The following CES5A variants were observed in gnomAD, a reference collection of about 807,000 sequenced individuals.
The protein encoded by CES5A is carboxylesterase 5.
In CES5A, 67 loss-of-function variants were observed where a neutral mutation model predicts 62.9. The observed-to-expected ratio is 1.07, with a 90% confidence interval of 0.88 to 1.31. The LOEUF (loss-of-function observed/expected upper bound fraction) is 1.31. Ranked by LOEUF, CES5A falls within the 50% of genes most tolerant of loss-of-function variation. CES5A has a pLI of 0.00. For missense variants in CES5A, 748 were observed against 708.5 expected (o/e 1.06, Z -0.63); for synonymous variants, 296 against 280.8 (o/e 1.05, Z -0.54).
chr16:55,926,706 C>T (rs987159603), upstream of CES5A, among the ~76,000 whole-genome samples: 3 of 152,184 alleles, frequency 2.0e-5, no homozygotes, highest in Admixed American at 6.5e-5. Flanking sequence ...TGAAGCTTTT[C>T]TGAGCATTTT....
chr16:55,851,930 C>T (rs1421427078), intron 10 of CES5A, among the ~76,000 whole-genome samples: 1 of 152,092 alleles, frequency 6.6e-6, no homozygotes, highest in Admixed American at 6.6e-5. Flanking sequence ...TGAAATAAGC[C>T]AGACAAAAGG....
intron 3 of CES5A, among the ~76,000 whole-genome samples, chr16:55,870,356 A>G (rs2033558108): frequency 6.6e-6 from 1 of 151,858 alleles, no homozygotes; most frequent in African/African-American, 2.4e-5. Flanking sequence ...GAGAAGGAGG[A>G]AGGAGGAAGA....
At chr16:55,943,670 T>C (rs1448837943) in intron 2 of CES5A, among the ~76,000 whole-genome samples, 3 of 152,226 alleles carry the variant, frequency 2.0e-5, no homozygotes, top group South Asian at 4.1e-4. Context: ...GTGGTATAAT[T>C]TGGGAGACAT....
intron 1 of CES5A, among the ~76,000 whole-genome samples, chr16:55,953,435 C>A (rs780391670): frequency 1.3e-5 from 2 of 151,922 alleles, no homozygotes; most frequent in Non-Finnish European, 2.9e-5. Context: ...CCACAAGAAC[C>A]AAATGTGAGT....
chr16:55,938,923 G>A (rs2034417398), intron 2 of CES5A, among the ~76,000 whole-genome samples: 1 of 150,296 alleles, frequency 6.7e-6, no homozygotes, highest in Non-Finnish European at 1.5e-5. Context: ...AGAGGAAGTG[G>A]GGTGGGGGGT....
intron 11 of CES5A, 80 bp downstream of exon 11, chr16:55,849,544 C>G: frequency 2.7e-6 from 4 of 1,504,160 alleles, no homozygotes; most frequent in East Asian, 2.3e-5. Flanking sequence ...ATGCCAACCC[C>G]GAAGTCCTCC....
chr16:55,907,476 C>T (rs536806126), intron 1 of CES5A, among the ~76,000 whole-genome samples: 2 of 152,324 alleles, frequency 1.3e-5, no homozygotes, highest in African/African-American at 2.4e-5. Context: ...TGGGTTTATT[C>T]GGTGCCTCCA....
chr16:55,894,635 GC>G (rs2033914154), intron 1 of CES5A, among the ~76,000 whole-genome samples: 1 of 151,994 alleles, frequency 6.6e-6, no homozygotes, highest in Admixed American at 6.5e-5. Flanking sequence ...AAATATACTA[GC>G]AAAAATGTCA....
chr16:55,931,598 T>C (rs1445492590), intron 2 of CES5A, among the ~76,000 whole-genome samples: 2 of 152,182 alleles, frequency 1.3e-5, no homozygotes, highest in African/African-American at 4.8e-5. Flanking sequence ...TCTGATCCTT[T>C]ATGCATGCCA....
intron 4 of CES5A, among the ~76,000 whole-genome samples, chr16:55,867,086 G>A (rs573567603): frequency 6.6e-5 from 10 of 152,164 alleles, no homozygotes; most frequent in African/African-American, 2.2e-4. Context: ...CATGAGGGTG[G>A]GCTAGAGAGA....
chr16:55,901,013 C>T lies in CES5A; in HGVS notation c.-256+24310G>A, dbSNP rs148251375. Among the ~76,000 whole-genome samples, 193 of 152,286 alleles carry T rather than the reference C, an allele frequency of 1.3e-3. 1 individual carries two copies. The highest frequency in any genetic ancestry group is 6.8e-3 in the Middle Eastern group (2 of 294). On this transcript the variant is annotated intron_variant, in intron 1 of 12. Transcript: ENST00000518005. ...TCTCTCATACCTAGGCCAGGGGCCTCATATGGTTTGGCTGTGTCCCCACCC... is the reference window on the plus strand; with the variant it reads ...TCTCTCATACCTAGGCCAGGGGCCTTATATGGTTTGGCTGTGTCCCCACCC...
chr16:55,910,972 G>T (rs987076409), intron 1 of CES5A, among the ~76,000 whole-genome samples: 1 of 152,142 alleles, frequency 6.6e-6, no homozygotes, highest in South Asian at 2.1e-4. Flanking sequence ...TGTCTCACAC[G>T]ATTTCCCAGA....
upstream of CES5A, among the ~76,000 whole-genome samples, chr16:55,926,383 A>T (rs1418994085): frequency 1.3e-5 from 2 of 152,232 alleles, no homozygotes; most frequent in African/African-American, 2.4e-5. Flanking sequence ...TATAAATTTT[A>T]TCAGCAGAAG....
At chr16:55,934,984 T>C (rs2034356950) in intron 2 of CES5A, among the ~76,000 whole-genome samples, 1 of 152,178 alleles carries the variant, frequency 6.6e-6, no homozygotes, top group African/African-American at 2.4e-5. Context: ...ACTCTGTCAC[T>C]CAGGCTAGAG....
At chr16:55,931,226 T>A (rs1219953587) in intron 2 of CES5A, among the ~76,000 whole-genome samples, 2 of 152,244 alleles carry the variant, frequency 1.3e-5, no homozygotes, top group East Asian at 3.8e-4. Flanking sequence ...ATATCCTTCC[T>A]TCTCATTCCC....
upstream of CES5A, among the ~76,000 whole-genome samples, chr16:55,878,794 C>T (rs546459232): frequency 5.8e-4 from 86 of 147,938 alleles, no homozygotes; most frequent in African/African-American, 2.0e-3. Flanking sequence ...ATTAACCCAT[C>T]GCTGTACCCT....
Position 55,849,610 on chromosome 16 carries a change from G to A in CES5A, c.1423+14C>T, listed in dbSNP as rs1225869020. On this transcript the variant is annotated intron_variant, in intron 11 of 12. Transcript: ENST00000290567. ...GGGCTTCATGTGAACTGTGGGAAGT[G>A]GCCAGTCCCTTACCGAACATAACAA... is the stretch of plus-strand genomic sequence containing the variant. 2 of 1,613,662 alleles carry A rather than the reference G, an allele frequency of 1.2e-6. No individual in the cohort carries two copies.
rs561268726 is a variant in CES5A, at chr16:55,944,401, G to T, written c.160+5384C>A. 2 of 350,326 alleles carry T rather than the reference G, an allele frequency of 5.7e-6. 1 individual carries two copies. Among genetic ancestry groups the T allele is most frequent in the South Asian group, 9.5e-5 (2 of 21,038 alleles). 21.7% of individuals were successfully genotyped at this position (350,326 alleles called of 1,614,324 possible). A position where few individuals can be genotyped will look rare whatever the true frequency, so the allele number is the denominator to read the frequency against. On this transcript the variant is annotated intron_variant, in intron 2 of 13. Transcript: ENST00000521992. Reference sequence around the variant, plus strand: ...ATTTTTGGGGAGAGGGAAGCCAGGGGCATCTTCTAGTCCCTGCAGTGCGGT... The same window carrying T: ...ATTTTTGGGGAGAGGGAAGCCAGGGTCATCTTCTAGTCCCTGCAGTGCGGT...
chr16:55,924,252 T>C (rs2034237274), intron 1 of CES5A, among the ~76,000 whole-genome samples: 1 of 151,730 alleles, frequency 6.6e-6, no homozygotes, highest in Admixed American at 6.6e-5. Context: ...CATACAAAAA[T>C]CAGTAGCAAT....
Sources: allele counts gnomAD v4.1 joint callset (sites outside exome capture counted in the v4.1 genomes callset), GRCh38; gene constraint gnomAD v4.1.1; transcripts MANE v1.5; gene names NCBI Gene and HGNC (gene_info 2026-07-23, HGNC 2026-07-21).